FAM216B: variants seen among roughly 807,000 people sequenced by gnomAD.
The protein encoded by FAM216B is protein FAM216B.
Under a neutral mutation model 12.9 loss-of-function variants are expected in FAM216B, and 11 were observed. The ratio of observed to expected loss-of-function variants is 0.86; its 90% confidence interval spans 0.54 to 1.42. The LOEUF (loss-of-function observed/expected upper bound fraction) is 1.42, where lower values mean the gene tolerates loss of function less well. FAM216B is among the 40% of genes most tolerant of loss of function. FAM216B has a pLI of 0.00. For synonymous variants in FAM216B, 52 were observed against 57.2 expected (o/e 0.91, Z 0.41); for missense variants, 167 against 162.9 (o/e 1.02, Z -0.14).
At position 42,786,778 on chromosome 13, in the gene FAM216B, C is replaced by A; in HGVS notation, c.115C>A (p.Gln39Lys). 2 of 1,614,040 alleles carry A rather than the reference C, an allele frequency of 1.2e-6. No homozygotes were observed. Among genetic ancestry groups the A allele is most frequent in the Non-Finnish European group, 1.7e-6 (2 of 1,179,924 alleles). The change falls in exon 3 of 4, where the codon CAA (glutamine) becomes AAA (lysine). Residue 39 changes from glutamine (Q) to lysine (K), a missense_variant. Coordinates refer to ENST00000313851, the MANE Select transcript of FAM216B (RefSeq NM_001318932.2). Reference protein sequence around the residue: ...TSLLKALNQGQQRYFYSIMRI... With the variant: ...TSLLKALNQGKQRYFYSIMRI... Reference sequence around the variant, plus strand: ...GTTCCAACAGGCCCTCAACCAAGGGCAACAGCGCTACTTTTACAGCATTAT... The same window carrying A: ...GTTCCAACAGGCCCTCAACCAAGGGAAACAGCGCTACTTTTACAGCATTAT...
chr13:42,784,163 A>G lies in FAM216B; in HGVS notation c.96A>G (p.Leu32=), dbSNP rs1873972534. The change falls in exon 2 of 4, where the codon CTA becomes CTG. Residue 32 remains leucine, a synonymous_variant. Coordinates refer to ENST00000313851, the MANE Select transcript of FAM216B (RefSeq NM_001318932.2). The stretch of plus-strand genomic sequence containing the variant: ...CCTCCATCTATGACACTTCCTTACT[A>G]AAGGTATGGCTTTTTTTTTTTTTTT... ...VPPSIYDTSL[L]KALNQGQQRY... is the part of the protein sequence containing the mutation. 1 of 1,319,656 alleles carries G rather than the reference A, an allele frequency of 7.6e-7. No homozygotes were observed. Among genetic ancestry groups the G allele is most frequent in the Non-Finnish European group, 1.0e-6 (1 of 955,028 alleles). The allele number at this position is 1,319,656 out of a possible 1,614,324, so 81.7% of individuals were successfully genotyped here. A position where few individuals can be genotyped will look rare whatever the true frequency, so the allele number is the denominator to read the frequency against.
chr13:42,783,924 A>T (rs1594547256), intron 1 of FAM216B, 130 bp from the exon 2 acceptor site: 1 of 494,542 alleles, frequency 2.0e-6, no homozygotes, highest in East Asian at 3.1e-5. Flanking sequence ...ATGTGAGCAA[A>T]TGTTCTTATC....
At chr13:42,784,796 T>G (rs1170566531) in intron 2 of FAM216B, among the ~76,000 whole-genome samples, 2 of 151,282 alleles carry the variant, frequency 1.3e-5, no homozygotes, top group African/African-American at 4.9e-5. Flanking sequence ...ATCGCGCCAC[T>G]GCACTCCAGG....
intron 1 of FAM216B, among the ~76,000 whole-genome samples, chr13:42,783,531 C>T (rs569035095): frequency 6.6e-6 from 1 of 152,024 alleles, no homozygotes; most frequent in African/African-American, 2.4e-5. Flanking sequence ...CTCCAATGAA[C>T]ATATCCTTTA....
chr13:42,784,017 A>G, intron 1 of FAM216B, 37 bp from the exon 2 acceptor site: 1 of 1,459,988 alleles, frequency 6.8e-7, no homozygotes, highest in Non-Finnish European at 9.3e-7. Flanking sequence ...GGTTGAGCTA[A>G]AAGAAATTTT....
At chr13:42,786,039 C>T (rs1038608354) in intron 2 of FAM216B, among the ~76,000 whole-genome samples, 2 of 152,156 alleles carry the variant, frequency 1.3e-5, no homozygotes, top group African/African-American at 4.8e-5. Flanking sequence ...TTTGGTGGCT[C>T]CTCATAGAAT....
chr13:42,789,658 G>A lies in FAM216B; in HGVS notation c.*868G>A, dbSNP rs1410676360. On this transcript the variant is annotated 3_prime_UTR_variant, in exon 4 of 4. Coordinates refer to ENST00000313851, the MANE Select transcript of FAM216B (RefSeq NM_001318932.2). ...ATTTTGTGTGTGTGTGTGTGTGTGT[G>A]TGTGTGTGTGTTAAAAATCAGTCAC... The A allele has an allele frequency of 6.6e-6, 1 of 151,518 alleles. No individual in the cohort carries two copies. The highest frequency in any genetic ancestry group is 1.5e-5 in the Non-Finnish European group (1 of 67,956). The allele number at this position is 151,518 out of a possible 1,614,324, so 9.4% of individuals were successfully genotyped here.
chr13:42,789,010 T>C lies in FAM216B; in HGVS notation c.*220T>C. On this transcript the variant is annotated 3_prime_UTR_variant, in exon 4 of 4. Coordinates refer to ENST00000313851, the MANE Select transcript of FAM216B (RefSeq NM_001318932.2). ...GCCTTTCCACATAACATCCGTAGAG[T>C]AAAAGGACTTTTAAAGCTTTCAAAG... 1 of 399,072 alleles carries C rather than the reference T, an allele frequency of 2.5e-6. No individual in the cohort carries two copies. Among genetic ancestry groups the C allele is most frequent in the East Asian group, 3.9e-5 (1 of 25,796 alleles). 24.7% of individuals were successfully genotyped at this position (399,072 alleles called of 1,614,324 possible).
At position 42,789,624 on chromosome 13, in the gene FAM216B, T is replaced by C. The variant is rs1874236036; in HGVS notation, c.*834T>C. On this transcript the variant is annotated 3_prime_UTR_variant, in exon 4 of 4. Transcript: ENST00000313851. Reference sequence around the variant, plus strand: ...TAGTTATATTTAATGGTTATTTTCATCACCAGAGATTTTGTGTGTGTGTGT... The same window carrying C: ...TAGTTATATTTAATGGTTATTTTCACCACCAGAGATTTTGTGTGTGTGTGT... 1 of 122,470 alleles carries C rather than the reference T, an allele frequency of 8.2e-6. No homozygotes were observed. The highest frequency in any genetic ancestry group is 1.7e-5 in the Non-Finnish European group (1 of 58,856). The allele number at this position is 122,470 out of a possible 1,614,324, so 7.6% of individuals were successfully genotyped here. A position where few individuals can be genotyped will look rare whatever the true frequency, so the allele number is the denominator to read the frequency against.
chr13:42,788,784 G>T lies in FAM216B; in HGVS notation c.414G>T (p.Arg138Ser), dbSNP rs1874196511. The change falls in exon 4 of 4, where the codon AGG becomes AGT. Residue 138 changes from arginine (R) to serine (S), a missense_variant. Transcript: ENST00000313851. Reference sequence around the variant, plus strand: ...AAAGTAAAAGGCGCCAAGTGCTCAGGAACTGAGACTTGGCAGCATTTTCAG... The same window carrying T: ...AAAGTAAAAGGCGCCAAGTGCTCAGTAACTGAGACTTGGCAGCATTTTCAG... ...RAQSKRRQVL[R>S]N 6 of 1,605,930 alleles carry T rather than the reference G, an allele frequency of 3.7e-6. No individual in the cohort carries two copies. Among genetic ancestry groups the T allele is most frequent in the African/African-American group, 1.3e-5 (1 of 74,522 alleles).
rs1326641178 is a variant in FAM216B at position 42,789,476 on chromosome 13, G to T, written c.*686G>T. On this transcript the variant is annotated 3_prime_UTR_variant, in exon 4 of 4. Coordinates refer to ENST00000313851, the MANE Select transcript of FAM216B (RefSeq NM_001318932.2). ...TGAAGAAACACTCTTAAAAGAATAT[G>T]AAATAACCCCGAAGACTTTATTTCA... 2 of 152,210 alleles carry T rather than the reference G, an allele frequency of 1.3e-5. No individual in the cohort carries two copies. The highest frequency in any genetic ancestry group is 2.9e-5 in the Non-Finnish European group (2 of 68,042). The allele number at this position is 152,210 out of a possible 1,614,324, so 9.4% of individuals were successfully genotyped here. A position where few individuals can be genotyped will look rare whatever the true frequency, so the allele number is the denominator to read the frequency against.
rs1199649852 is a variant in FAM216B at position 42,790,667 on chromosome 13, G to A, written c.*1877G>A. The A allele has an allele frequency of 6.6e-6, 1 of 152,166 alleles. No homozygotes were observed. Among genetic ancestry groups the A allele is most frequent in the African/African-American group, 2.4e-5 (1 of 41,438 alleles). The allele number at this position is 152,166 out of a possible 1,614,324, so 9.4% of individuals were successfully genotyped here. A position where few individuals can be genotyped will look rare whatever the true frequency, so the allele number is the denominator to read the frequency against. ...GTGCACCTGGGAGGACACTGAGAAA[G>A]ATAAACAAAGGGGAAGGAAGAGAGG... On this transcript the variant is annotated 3_prime_UTR_variant, in exon 4 of 4. Coordinates refer to ENST00000313851, the MANE Select transcript of FAM216B (RefSeq NM_001318932.2).
chr13:42,786,649 CAT>C (rs2138035548), intron 2 of FAM216B, 112 bp from the exon 3 acceptor site: 9 of 1,006,260 alleles, frequency 8.9e-6, no homozygotes, highest in Non-Finnish European at 1.2e-5. Flanking sequence ...AAAAAAAAAA[CAT>C]ATGGTTAGCA....
intron 2 of FAM216B, among the ~76,000 whole-genome samples, chr13:42,785,368 T>C (rs1477142684): frequency 6.6e-6 from 1 of 152,248 alleles, no homozygotes; most frequent in Non-Finnish European, 1.5e-5. Flanking sequence ...AAAGTCACCT[T>C]ACTCTACCTT....
intron 1 of FAM216B, among the ~76,000 whole-genome samples, chr13:42,782,428 T>C (rs1244532675): frequency 6.6e-6 from 1 of 152,196 alleles, no homozygotes; most frequent in Non-Finnish European, 1.5e-5. Flanking sequence ...GGAAAGAAAC[T>C]CAAGTCTTTC....
Position 42,784,034 on chromosome 13 carries a change from T to G in FAM216B, c.-14-20T>G. 6.5e-7 allele frequency: 1 copy of G among 1,527,980 alleles called. No homozygotes were observed. Among genetic ancestry groups the G allele is most frequent in the South Asian group, 1.2e-5 (1 of 80,416 alleles). The allele number at this position is 1,527,980 out of a possible 1,614,324, so 94.7% of individuals were successfully genotyped here. A position where few individuals can be genotyped will look rare whatever the true frequency, so the allele number is the denominator to read the frequency against. On this transcript the variant is annotated intron_variant, in intron 1 of 3. Transcript: ENST00000313851. ...TTGAGCTAAAAGAAATTTTATGCTA[T>G]GCTTTGTTGTTTCTTGGAGGTATAG... is the stretch of plus-strand genomic sequence containing the variant.
chr13:42,786,846 C>G lies in FAM216B; in HGVS notation c.183C>G (p.Thr61=). The change falls in exon 3 of 4, where the codon ACC becomes ACG. Residue 61 remains threonine (T), a synonymous_variant. Transcript: ENST00000313851. ...GGCCCCAGTGGGAGGCCCTGCAGAC[C>G]CGCTACATTCACAGCCTTCAGCACC... ...NSRPQWEALQ[T]RYIHSLQHQQ... is the part of the protein sequence containing the mutation. 17 of 1,613,958 alleles carry G rather than the reference C, an allele frequency of 1.1e-5. No homozygotes were observed. Among genetic ancestry groups the G allele is most frequent in the Non-Finnish European group, 1.4e-5 (17 of 1,179,932 alleles).
At chr13:42,787,783 T>C (rs779398190) in intron 3 of FAM216B, among the ~76,000 whole-genome samples, 1 of 152,214 alleles carries the variant, frequency 6.6e-6, no homozygotes, top group African/African-American at 2.4e-5. Flanking sequence ...ATAACAATAG[T>C]TACCTTTTAT....
chr13:42,786,841 C>A lies in FAM216B; in HGVS notation c.178C>A (p.Gln60Lys), dbSNP rs1874111394. 1.9e-6 allele frequency: 3 copies of A among 1,614,038 alleles called. No homozygotes were observed. Among genetic ancestry groups the A allele is most frequent in the African/African-American group, 2.7e-5 (2 of 75,030 alleles). ...YNSRPQWEAL[Q>K]TRYIHSLQHQ... ...CTCCAGGCCCCAGTGGGAGGCCCTG[C>A]AGACCCGCTACATTCACAGCCTTCA... is the stretch of plus-strand genomic sequence containing the variant. The change falls in exon 3 of 4, where the codon CAG becomes AAG. Residue 60 changes from glutamine (Q) to lysine (K), a missense_variant. Transcript: ENST00000313851.
Sources: allele counts gnomAD v4.1 joint callset (sites outside exome capture counted in the v4.1 genomes callset), GRCh38; gene constraint gnomAD v4.1.1; transcripts MANE v1.5; gene names NCBI Gene and HGNC (gene_info 2026-07-23, HGNC 2026-07-21).